KLHL32: variants seen among roughly 807,000 people sequenced by gnomAD.
KLHL32 encodes kelch like family member 32, also known as kelch-like protein 32.
KLHL32 carries 35 observed loss-of-function variants against 64.8 expected under a neutral mutation model. That is an observed-to-expected ratio of 0.54 (90% CI 0.41 to 0.72). The LOEUF (loss-of-function observed/expected upper bound fraction) is 0.72. Ranked by LOEUF, KLHL32 falls within the 30% of genes least tolerant of loss-of-function variation. The pLI is 0.00. For synonymous variants in KLHL32, 259 were observed against 281.0 expected (o/e 0.92, Z 0.78); for missense variants, 589 against 768.5 (o/e 0.77, Z 2.76).
At chr6:96,954,984 GC>G (rs1379334329) in intron 1 of KLHL32, among the ~76,000 whole-genome samples, 2 of 152,190 alleles carry the variant, frequency 1.3e-5, no homozygotes, top group African/African-American at 4.8e-5. Context: ...TCAAGATGCT[GC>G]CAGATTCAAT....
At position 96,926,181 on chromosome 6, in the gene KLHL32, G is replaced by T. The variant is rs143395074; in HGVS notation, c.-66+1155G>T. Among the ~76,000 whole-genome samples, 604 of 152,236 alleles carry T rather than the reference G, an allele frequency of 4.0e-3. 10 individuals carry two copies. The highest frequency in any genetic ancestry group is 0.014 in the African/African-American group (583 of 41,524). ...CAAATGGCCCAGTAAAGATCCACTG[G>T]CATTCAAGAATTAATTTTGTTTTCC... On this transcript the variant is annotated intron_variant, in intron 1 of 10. Transcript: ENST00000369261.
At chr6:97,033,937 T>C (rs1000725359) in intron 3 of KLHL32, among the ~76,000 whole-genome samples, 6 of 152,152 alleles carry the variant, frequency 3.9e-5, no homozygotes, top group African/African-American at 7.2e-5. Context: ...TATTAACCCT[T>C]TATCAGATAT....
At chr6:96,927,608 A>G (rs1769322522) in intron 1 of KLHL32, among the ~76,000 whole-genome samples, 1 of 152,190 alleles carries the variant, frequency 6.6e-6, no homozygotes, top group South Asian at 2.1e-4. Context: ...TGGTGGATCC[A>G]GAGAGGTGTA....
chr6:97,019,570 G>C (rs1426490116), intron 3 of KLHL32, among the ~76,000 whole-genome samples: 1 of 152,158 alleles, frequency 6.6e-6, no homozygotes, highest in African/African-American at 2.4e-5. Context: ...AGGTGAAGTC[G>C]GTCTGCCCAC....
chr6:97,056,554 A>G (rs1287250638), intron 4 of KLHL32, among the ~76,000 whole-genome samples: 3 of 152,118 alleles, frequency 2.0e-5, no homozygotes, highest in Middle Eastern at 3.4e-3. Context: ...CCTGCTTCAG[A>G]ACCCTCCTGT....
chr6:96,940,922 A>C (rs1771204507), intron 1 of KLHL32, among the ~76,000 whole-genome samples: 1 of 152,234 alleles, frequency 6.6e-6, no homozygotes, highest in Non-Finnish European at 1.5e-5. Flanking sequence ...TCACTAACAC[A>C]GGCACAAATT....
At position 97,140,106 on chromosome 6, in the gene KLHL32, G is replaced by GAT. The variant is rs1415141321; in HGVS notation, c.*826_*827dup. 1.3e-5 allele frequency: 2 copies of GAT among 152,006 alleles called. No homozygotes were observed. Among genetic ancestry groups the GAT allele is most frequent in the African/African-American group, 4.8e-5 (2 of 41,426 alleles). The allele number at this position is 152,006 out of a possible 1,614,324, so 9.4% of individuals were successfully genotyped here. ...TATTTTTGAAGTTTAAAAATTACTA[G>GAT]ATAGAATTTGGAAACATGTTGTGGA... On this transcript the variant is annotated 3_prime_UTR_variant, in exon 11 of 11. Coordinates refer to ENST00000369261, the MANE Select transcript of KLHL32 (RefSeq NM_052904.4).
intron 4 of KLHL32, among the ~76,000 whole-genome samples, chr6:97,054,455 A>G (rs551955055): frequency 1.3e-5 from 2 of 152,200 alleles, no homozygotes; most frequent in Non-Finnish European, 2.9e-5. Flanking sequence ...CAGTAGGTCA[A>G]ACTGTGATTG....
In KLHL32 at chr6:96,997,117, A is replaced by C. The variant is rs948101398; in HGVS notation, c.204+20940A>C. On this transcript the variant is annotated intron_variant, in intron 3 of 10. Transcript: ENST00000369261. ...CTGACCAAAGGCTTGAGGTCTGGAG[A>C]GTGTTGGGAAAAGAGCAGGCACAAG... is the stretch of plus-strand genomic sequence containing the variant. 5.9e-5 allele frequency among the ~76,000 whole-genome samples: 9 copies of C among 152,092 alleles called. 1 individual carries two copies. The highest frequency in any genetic ancestry group is 6.8e-3 in the Middle Eastern group (2 of 294).
intron 10 of KLHL32, among the ~76,000 whole-genome samples, chr6:97,136,892 T>C (rs1438017957): frequency 1.3e-5 from 2 of 152,184 alleles, no homozygotes; most frequent in African/African-American, 4.8e-5. Flanking sequence ...TTTTGCCTTC[T>C]AAAAATGTTT....
At chr6:97,073,757 C>A (rs1045138436) in intron 5 of KLHL32, among the ~76,000 whole-genome samples, 1 of 152,082 alleles carries the variant, frequency 6.6e-6, no homozygotes, top group Non-Finnish European at 1.5e-5. Context: ...TGAATTTTTC[C>A]TTACTGGGAG....
intron 6 of KLHL32, among the ~76,000 whole-genome samples, chr6:97,091,769 G>A (rs772720216): frequency 5.3e-5 from 8 of 152,052 alleles, no homozygotes; most frequent in Admixed American, 1.3e-4. Context: ...AAACAGCTTC[G>A]CAAACCTTTG....
At chr6:97,128,943 A>C (rs1799154447) in intron 8 of KLHL32, among the ~76,000 whole-genome samples, 1 of 152,240 alleles carries the variant, frequency 6.6e-6, no homozygotes, top group African/African-American at 2.4e-5. Flanking sequence ...TGTTTCATAG[A>C]AAACACCTAA....
chr6:97,012,620 G>A (rs1476499349), intron 3 of KLHL32, among the ~76,000 whole-genome samples: 1 of 152,152 alleles, frequency 6.6e-6, no homozygotes, highest in African/African-American at 2.4e-5. Context: ...CATCTTAACA[G>A]TTGCTAGCTG....
intron 1 of KLHL32, among the ~76,000 whole-genome samples, chr6:96,955,232 CA>C (rs1562189322): frequency 6.6e-6 from 1 of 152,204 alleles, no homozygotes; most frequent in Non-Finnish European, 1.5e-5. Context: ...GCATGAACCT[CA>C]TACTCATACC....
chr6:96,983,363 AGGCTTT>A (rs1196113843), intron 3 of KLHL32, among the ~76,000 whole-genome samples: 1 of 136,944 alleles, frequency 7.3e-6, no homozygotes, highest in Admixed American at 7.1e-5. Context: ...TGTCTCTGCC[AGGCTTT>A]GGTATCAGGA....
chr6:97,027,083 A>G (rs1229887288), intron 3 of KLHL32, among the ~76,000 whole-genome samples: 1 of 151,372 alleles, frequency 6.6e-6, no homozygotes, highest in African/African-American at 2.4e-5. Flanking sequence ...AATCACTTGA[A>G]CCGAGGAGGC....
chr6:97,014,167 G>A (rs1253749248), intron 3 of KLHL32, among the ~76,000 whole-genome samples: 2 of 151,974 alleles, frequency 1.3e-5, no homozygotes, highest in East Asian at 1.9e-4. Context: ...TGTGGTGGGC[G>A]CCTGTAGTCG....
intron 6 of KLHL32, among the ~76,000 whole-genome samples, chr6:97,093,826 C>T (rs192792038): frequency 3.9e-5 from 6 of 152,102 alleles, no homozygotes; most frequent in East Asian, 1.9e-4. Flanking sequence ...AAATGAAAGC[C>T]GATAAGGGAG....
Sources: allele counts gnomAD v4.1 joint callset (sites outside exome capture counted in the v4.1 genomes callset), GRCh38; gene constraint gnomAD v4.1.1; transcripts MANE v1.5; gene names NCBI Gene and HGNC (gene_info 2026-07-23, HGNC 2026-07-21).